SOX6: variants seen among roughly 807,000 people sequenced by gnomAD.
The protein encoded by SOX6 is transcription factor SOX-6.
Under a neutral mutation model 97.8 loss-of-function variants are expected in SOX6, and 11 were observed. The ratio of observed to expected loss-of-function variants is 0.11; its 90% CI spans 0.07 to 0.19. The LOEUF is 0.19. Ranked by LOEUF, SOX6 falls within the 10% of genes least tolerant of loss-of-function variation. The probability of loss-of-function intolerance (pLI) is 1.00; values close to 1 mark genes in which losing one functional copy is unlikely to be tolerated. For synonymous variants in SOX6, 360 were observed against 371.4 expected, an observed-to-expected ratio of 0.97 and a Z score of 0.35; for missense variants, 810 against 1,039.5, an observed-to-expected ratio of 0.78 and a Z score of 3.04.
chr11:16,374,604 C>A (rs1254402817), intron 1 of SOX6, among the ~76,000 whole-genome samples: 1 of 151,900 alleles, frequency 6.6e-6, no homozygotes, highest in Admixed American at 6.6e-5. Context: ...GAAACACATG[C>A]CACAATATGA....
chr11:16,023,453 G>T (rs1855127107), intron 12 of SOX6, among the ~76,000 whole-genome samples: 1 of 151,920 alleles, frequency 6.6e-6, no homozygotes, highest in South Asian at 2.1e-4. Flanking sequence ...ATTATTTTCA[G>T]ATCCTATTTA....
At chr11:16,477,792 T>C (rs1234532809), upstream of SOX6, among the ~76,000 whole-genome samples, 1 of 152,256 alleles carries the variant, frequency 6.6e-6, no homozygotes, top group Non-Finnish European at 1.5e-5. Context: ...ACTTCTTCAC[T>C]AGACCTTCTT....
chr11:16,287,729 T>C (rs1177398902), intron 3 of SOX6, among the ~76,000 whole-genome samples: 4 of 152,000 alleles, frequency 2.6e-5, no homozygotes, highest in African/African-American at 9.7e-5. Context: ...CTATGTACGA[T>C]TAGAGTATTA....
intron 4 of SOX6, among the ~76,000 whole-genome samples, chr11:16,521,029 G>A (rs991603752): frequency 6.6e-6 from 1 of 152,212 alleles, no homozygotes; most frequent in African/African-American, 2.4e-5. Flanking sequence ...CCCTGCCTCT[G>A]TAGGCTCCAC....
At chr11:16,098,925 A>C (rs561121313) in intron 7 of SOX6, among the ~76,000 whole-genome samples, 1 of 151,914 alleles carries the variant, frequency 6.6e-6, no homozygotes, top group African/African-American at 2.4e-5. Flanking sequence ...CTGGGAACTC[A>C]TCCTGCTTGC....
chr11:16,738,098 A>G (rs1414151799), intron 1 of SOX6, among the ~76,000 whole-genome samples: 5 of 152,052 alleles, frequency 3.3e-5, no homozygotes, highest in African/African-American at 1.2e-4. Flanking sequence ...ATTAGCCAAC[A>G]TTTAACAACA....
chr11:16,415,602 T>C lies in SOX6; in HGVS notation c.-5+60713A>G, dbSNP rs547092290. On this transcript the variant is annotated intron_variant, in intron 1 of 15. Coordinates refer to the SOX6 transcript ENST00000396356. ...CAAAAATGATAAATATTTGAGGTGA[T>C]GGATATGCTAATTACCCTGATTTGA... Among the ~76,000 whole-genome samples the C allele has an allele frequency of 7.5e-4, 114 of 152,292 alleles. 1 individual carries two copies. Among genetic ancestry groups the C allele is most frequent in the Non-Finnish European group, 1.2e-3 (79 of 68,004 alleles).
intron 3 of SOX6, among the ~76,000 whole-genome samples, chr11:16,637,845 T>A (rs1172954100): frequency 6.6e-6 from 1 of 152,098 alleles, no homozygotes; most frequent in African/African-American, 2.4e-5. Flanking sequence ...TGTGCAACGT[T>A]TTATAGGCAA....
At chr11:16,171,564 A>G (rs1851039955) in intron 6 of SOX6, among the ~76,000 whole-genome samples, 1 of 151,996 alleles carries the variant, frequency 6.6e-6, no homozygotes, top group African/African-American at 2.4e-5. Flanking sequence ...TTTAAACCAC[A>G]AATCACATCC....
chr11:16,318,461 G>C lies in SOX6; in HGVS notation c.430C>G (p.Arg144Gly). 6.2e-7 allele frequency: 1 copy of C among 1,612,390 alleles called. No homozygotes were observed. Among genetic ancestry groups the C allele is most frequent in the Non-Finnish European group, 8.5e-7 (1 of 1,179,444 alleles). ...LKQKKLEEMTRTEQEDSSCME... is the reference protein window; with the variant it reads ...LKQKKLEEMTGTEQEDSSCME... ...CCACACATACCCTCTTGTTCAGTCCGAGTCATTTCCTCAAGCTTCTTCTGT... is the reference window on the plus strand; with the variant it reads ...CCACACATACCCTCTTGTTCAGTCCCAGTCATTTCCTCAAGCTTCTTCTGT... Residue 144 changes from arginine (R) to glycine (G), a missense_variant, in exon 3 of 16, where the codon CGG (arginine) becomes GGG (glycine). Arg to Gly is a moderately radical substitution (Grantham distance 125). Coordinates refer to ENST00000683767, the MANE Select transcript of SOX6 (RefSeq NM_001367873.1).
At position 16,065,016 on chromosome 11, in the gene SOX6, G is replaced by C. The variant is rs560825990; in HGVS notation, c.1102-9115C>G. On this transcript the variant is annotated intron_variant, in intron 9 of 15. Coordinates refer to ENST00000683767, the MANE Select transcript of SOX6 (RefSeq NM_001367873.1). The stretch of plus-strand genomic sequence containing the variant: ...AACATATTACTGGAAGTCCTAGCTA[G>C]AGCAATCAGACAAGAGAAAAAAACA... Among the ~76,000 whole-genome samples, 5 of 152,036 alleles carry C rather than the reference G, an allele frequency of 3.3e-5. No homozygotes were observed. The East Asian group carries it at 9.7e-4, about 29-fold the overall frequency.
rs143177833 is a variant in SOX6, at chr11:16,455,443, A to G, written c.-5+20872T>C. Among the ~76,000 whole-genome samples the G allele has an allele frequency of 1.7e-4, 26 of 152,170 alleles. 2 individuals are homozygous for G. Among genetic ancestry groups the G allele is most frequent in the African/African-American group, 6.0e-4 (25 of 41,556 alleles). On this transcript the variant is annotated intron_variant, in intron 1 of 15. Transcript: ENST00000396356. ...ACTTTTTCTTTATATAATAGTTTAA[A>G]TTCTTCATTTCTACTCTTCAACGCA... is the stretch of plus-strand genomic sequence containing the variant.
intron 3 of SOX6, among the ~76,000 whole-genome samples, chr11:16,651,907 A>C (rs1424703310): frequency 1.3e-5 from 2 of 151,852 alleles, no homozygotes. Flanking sequence ...CATAGATCTG[A>C]TAAGTAAAGC....
intron 3 of SOX6, among the ~76,000 whole-genome samples, chr11:16,244,708 T>A (rs1020866657): frequency 6.6e-6 from 1 of 151,638 alleles, no homozygotes; most frequent in Non-Finnish European, 1.5e-5. Context: ...CAATGAGTTA[T>A]CTTGTCTTAA....
chr11:16,173,118 A>T (rs1851083424), intron 6 of SOX6, among the ~76,000 whole-genome samples: 1 of 151,998 alleles, frequency 6.6e-6, no homozygotes, highest in Non-Finnish European at 1.5e-5. Flanking sequence ...AGATATCAGT[A>T]AAACAGACTG....
At position 15,970,027 on chromosome 11, in the gene SOX6, T is replaced by C. The variant is rs997543240; in HGVS notation, c.*2782A>G. On this transcript the variant is annotated 3_prime_UTR_variant, in exon 16 of 16. Coordinates refer to ENST00000683767, the MANE Select transcript of SOX6 (RefSeq NM_001367873.1). ...CTAAAACAAAGTGTTCATACACACA[T>C]GTATTTTGCATAAATAAATGAAATA... is the stretch of plus-strand genomic sequence containing the variant. 2.6e-5 allele frequency: 4 copies of C among 152,350 alleles called. No individual in the cohort carries two copies. The highest frequency in any genetic ancestry group is 1.3e-4 in the Admixed American group (2 of 15,308). 9.4% of individuals were successfully genotyped at this position (152,350 alleles called of 1,614,324 possible).
chr11:16,287,298 T>TCACACACACACA (rs371413164), intron 3 of SOX6, among the ~76,000 whole-genome samples: 55 of 123,522 alleles, frequency 4.5e-4, no homozygotes, highest in African/African-American at 1.7e-3. Flanking sequence ...TCTCTCTCTC[T>TCACACACACACA]CACACACACA....
At chr11:16,412,414 T>TG (rs1858838822) in intron 1 of SOX6, among the ~76,000 whole-genome samples, 1 of 152,200 alleles carries the variant, frequency 6.6e-6, no homozygotes, top group African/African-American at 2.4e-5. Flanking sequence ...TTTGGCTGTA[T>TG]GCATTACAAC....
chr11:16,680,720 T>G (rs1032539805), intron 3 of SOX6, among the ~76,000 whole-genome samples: 3 of 152,172 alleles, frequency 2.0e-5, no homozygotes, highest in African/African-American at 7.2e-5. Context: ...ACCCATCTCA[T>G]GTGCAGAGAC....
Sources: allele counts gnomAD v4.1 joint callset (sites outside exome capture counted in the v4.1 genomes callset), GRCh38; gene constraint gnomAD v4.1.1; transcripts MANE v1.5; gene names NCBI Gene and HGNC (gene_info 2026-07-23, HGNC 2026-07-21).